Variants in CRYM observed in about 807,000 individuals in gnomAD.
CRYM encodes ketimine reductase mu-crystallin.
In CRYM, 18 loss-of-function variants were observed where a neutral mutation model predicts 32.9. The ratio of observed to expected loss-of-function variants is 0.55; its 90% CI spans 0.38 to 0.81. The LOEUF is 0.81. CRYM is among the 30% of genes least tolerant of loss of function. The pLI, the probability that CRYM is intolerant of heterozygous loss-of-function variation, is 0.00. For synonymous variants in CRYM, 153 were observed against 152.4 expected (o/e 1.00, Z -0.03); for missense variants, 337 against 393.5 (o/e 0.86, Z 1.21).
At chr16:21,289,866 G>A (rs1437459870) in intron 1 of CRYM, among the ~76,000 whole-genome samples, 1 of 151,958 alleles carries the variant, frequency 6.6e-6, no homozygotes, top group Non-Finnish European at 1.5e-5. Flanking sequence ...TGGGCTTCTG[G>A]GTGGAGTGGG....
At chr16:21,264,765 T>C (rs961304898) in intron 5 of CRYM, among the ~76,000 whole-genome samples, 1 of 152,050 alleles carries the variant, frequency 6.6e-6, no homozygotes, top group Non-Finnish European at 1.5e-5. Flanking sequence ...TAAGGGAGAT[T>C]GTCTGTGGCT....
intron 1 of CRYM, among the ~76,000 whole-genome samples, chr16:21,286,388 T>C (rs2093407342): frequency 6.6e-6 from 1 of 151,360 alleles, no homozygotes; most frequent in Admixed American, 6.6e-5. Flanking sequence ...CAGCTAATTT[T>C]TTTTTTTTTT....
chr16:21,293,028 A>AT (rs1555465436), intron 1 of CRYM, among the ~76,000 whole-genome samples: 9 of 150,480 alleles, frequency 6.0e-5, no homozygotes, highest in East Asian at 2.0e-4. Context: ...AAGTAGATAG[A>AT]AGATAGATAG....
chr16:21,301,844 G>T (rs1191539981), intron 1 of CRYM, among the ~76,000 whole-genome samples: 7 of 152,184 alleles, frequency 4.6e-5, no homozygotes, highest in African/African-American at 1.7e-4. Flanking sequence ...GTGGACGCGC[G>T]CCCTTCAGCG....
chr16:21,286,489 A>G (rs1377874801), intron 1 of CRYM, among the ~76,000 whole-genome samples: 1 of 151,736 alleles, frequency 6.6e-6, no homozygotes, highest in East Asian at 1.9e-4. Flanking sequence ...GGCCTCCCAA[A>G]TTGCTGGAAT....
At chr16:21,291,422 C>T (rs906508255) in intron 1 of CRYM, among the ~76,000 whole-genome samples, 3 of 152,144 alleles carry the variant, frequency 2.0e-5, no homozygotes, top group Admixed American at 6.5e-5. Context: ...ACCTACATTA[C>T]TGTGAATCTT....
chr16:21,278,714 C>T (rs1209943953), upstream of CRYM: 17 of 176,144 alleles, frequency 9.7e-5, no homozygotes, highest in South Asian at 1.4e-4. Context: ...TAAAAGGAGA[C>T]GGAGGCTTAT....
At chr16:21,273,072 A>C (rs2093379331) in intron 3 of CRYM, among the ~76,000 whole-genome samples, 1 of 151,954 alleles carries the variant, frequency 6.6e-6, no homozygotes, top group East Asian at 1.9e-4. Flanking sequence ...TGAGCGCAGA[A>C]CCTTGCATTT....
Position 21,261,341 on chromosome 16 carries a change from A to G in CRYM, c.796-3T>C, listed in dbSNP as rs758628545. On this transcript the variant is annotated splice_polypyrimidine_tract_variant and splice_region_variant and intron_variant, in intron 6 of 7. Coordinates refer to ENST00000572914, the MANE Select transcript of CRYM (RefSeq NM_001376256.1). ...CCCAGCTCAGCAAAGATCTCGGCCT[A>G]GGAAACAAACATACGCTGACCCAGG... 2 of 1,613,564 alleles carry G rather than the reference A, an allele frequency of 1.2e-6. No individual in the cohort carries two copies. Among genetic ancestry groups the G allele is most frequent in the Admixed American group, 3.3e-5 (2 of 59,964 alleles).
chr16:21,262,053 T>A lies in CRYM; in HGVS notation c.779A>T (p.Asp260Val), dbSNP rs1426210932. Residue 260 changes from aspartate to valine, a missense_variant, in exon 6 of 8, where the codon GAT becomes GTT. Physicochemically the swap from Asp to Val is radical, Grantham distance 152 (BLOSUM62 -3). Transcript: ENST00000572914. ...GGGCCTCACCCCTGACAGCAGGACATCTCCAGACTCCTTCAGGGCAGCCTC... is the reference window on the plus strand; with the variant it reads ...GGGCCTCACCCCTGACAGCAGGACAACTCCAGACTCCTTCAGGGCAGCCTC... The part of the protein sequence containing the change: ...SQEAALKESG[D>V]VLLSGAEIFA... 2 of 1,613,956 alleles carry A rather than the reference T, an allele frequency of 1.2e-6. No individual in the cohort carries two copies. The highest frequency in any genetic ancestry group is 2.2e-5 in the South Asian group (2 of 91,072).
At position 21,261,868 on chromosome 16, in the gene CRYM, G is replaced by A. The variant is rs2075523; in HGVS notation, c.795+169C>T. On this transcript the variant is annotated intron_variant, in intron 6 of 7. Transcript: ENST00000572914. ...CCACCCATAATGCCCATATTTTTCT[G>A]GAATGGAATTAAAGAGGGTTGCAAA... 0.017 allele frequency: 11,989 copies of A among 709,498 alleles called. 517 individuals are homozygous for A. The highest frequency in any genetic ancestry group is 0.11 in the East Asian group (4,113 of 37,246). 44.0% of individuals were successfully genotyped at this position (709,498 alleles called of 1,614,324 possible).
At position 21,261,312 on chromosome 16, in the gene CRYM, T is replaced by C; in HGVS notation, c.822A>G (p.Glu274=). Residue 274 remains glutamate (E), a synonymous_variant, in exon 7 of 8, where the codon GAA becomes GAG. Coordinates refer to ENST00000572914, the MANE Select transcript of CRYM (RefSeq NM_001376256.1). The part of the protein sequence containing the change: ...SGAEIFAELG[E]VIKGVKPAHC... Reference sequence around the variant, plus strand: ...GGGCTGGTTTCACTCCCTTAATCACTTCTCCCAGCTCAGCAAAGATCTCGG... The same window carrying C: ...GGGCTGGTTTCACTCCCTTAATCACCTCTCCCAGCTCAGCAAAGATCTCGG... The C allele has an allele frequency of 6.2e-7, 1 of 1,614,018 alleles. No individual in the cohort carries two copies.
At chr16:21,268,327 AG>A (rs1282853602) in intron 4 of CRYM, among the ~76,000 whole-genome samples, 1 of 152,200 alleles carries the variant, frequency 6.6e-6, no homozygotes, top group Non-Finnish European at 1.5e-5. Context: ...AGATCAGACG[AG>A]TTTGAAGGTA....
At chr16:21,290,340 A>AC (rs1960606931) in intron 1 of CRYM, among the ~76,000 whole-genome samples, 1 of 151,994 alleles carries the variant, frequency 6.6e-6, no homozygotes, top group African/African-American at 2.4e-5. Flanking sequence ...TGGATGTGCC[A>AC]CCTTTAAGAG....
chr16:21,260,549 C>T (rs961296476), intron 7 of CRYM, among the ~76,000 whole-genome samples: 6 of 152,204 alleles, frequency 3.9e-5, no homozygotes, highest in African/African-American at 1.4e-4. Context: ...ATCTGCCCAC[C>T]TTGGCCTCCC....
At chr16:21,268,376 A>G (rs1353286219) in intron 4 of CRYM, among the ~76,000 whole-genome samples, 1 of 152,224 alleles carries the variant, frequency 6.6e-6, no homozygotes, top group Admixed American at 6.5e-5. Context: ...AATGGTAGCT[A>G]CGGCTGGAAT....
intron 1 of CRYM, among the ~76,000 whole-genome samples, chr16:21,290,474 C>G (rs1960615394): frequency 6.6e-6 from 1 of 152,190 alleles, no homozygotes; most frequent in East Asian, 1.9e-4. Context: ...GACACACCAT[C>G]TTTAAGAATT....
chr16:21,268,098 C>T (rs1431242432), intron 4 of CRYM, among the ~76,000 whole-genome samples: 2 of 152,222 alleles, frequency 1.3e-5, no homozygotes, highest in Non-Finnish European at 2.9e-5. Context: ...TGGAACCAAT[C>T]TCCACTCTGC....
At chr16:21,291,235 A>T (rs1277799468) in intron 1 of CRYM, among the ~76,000 whole-genome samples, 1 of 152,116 alleles carries the variant, frequency 6.6e-6, no homozygotes, top group Non-Finnish European at 1.5e-5. Context: ...GTACCCATTT[A>T]TAACCTTGGG....
Sources: gnomAD v4.1 joint callset for allele counts (sites outside exome capture counted in the v4.1 genomes callset) on GRCh38, gnomAD v4.1.1 for gene constraint, MANE v1.5 for transcripts, NCBI Gene and HGNC (gene_info 2026-07-23, HGNC 2026-07-21) for gene names.